SLC24A2: variants seen among roughly 807,000 people sequenced by gnomAD.
The protein encoded by SLC24A2 is solute carrier family 24 member 2.
SLC24A2 carries 36 observed loss-of-function variants against 62.0 expected under a neutral mutation model. The observed-to-expected ratio is 0.58, with a 90% CI of 0.44 to 0.77. The LOEUF (loss-of-function observed/expected upper bound fraction) is 0.77. Ranked by LOEUF, SLC24A2 falls within the 30% of genes least tolerant of loss-of-function variation. The pLI is 0.00. For missense variants in SLC24A2, 846 were observed against 817.9 expected, an observed-to-expected ratio of 1.03 and a Z score of -0.42; for synonymous variants, 358 against 294.0, an observed-to-expected ratio of 1.22 and a Z score of -2.23.
At chr9:19,554,619 G>A (rs1395118876) in intron 7 of SLC24A2, among the ~76,000 whole-genome samples, 1 of 152,224 alleles carries the variant, frequency 6.6e-6, no homozygotes, top group Non-Finnish European at 1.5e-5. Context: ...GTGTGGCAAT[G>A]TGATTAAGTT....
chr9:19,989,707 T>C, the SLC24A2 span, among the ~76,000 whole-genome samples: 1 of 152,224 alleles, frequency 6.6e-6, no homozygotes, highest in African/African-American at 2.4e-5. Flanking sequence ...CAAAGGAACC[T>C]AGACAACTAC....
chr9:19,886,465 C>A, the SLC24A2 span, among the ~76,000 whole-genome samples: 2 of 152,030 alleles, frequency 1.3e-5, no homozygotes, highest in South Asian at 4.2e-4. Context: ...AAGCTCAACA[C>A]CGCTGATCAT....
chr9:20,083,705 A>T, the SLC24A2 span, among the ~76,000 whole-genome samples: 2 of 152,254 alleles, frequency 1.3e-5, no homozygotes, highest in Non-Finnish European at 2.9e-5. Context: ...AGAGAAAAAA[A>T]TAAAACAACT....
rs1248588573 is a variant in SLC24A2 at position 19,515,221 on chromosome 9, C to T, written c.*932G>A. 6.6e-6 allele frequency: 1 copy of T among 152,136 alleles called. No individual in the cohort carries two copies. The highest frequency in any genetic ancestry group is 2.4e-5 in the African/African-American group (1 of 41,424). The allele number at this position is 152,136 out of a possible 1,614,324, so 9.4% of individuals were successfully genotyped here. ...ATTTGGTTTGTAGTCATATTTTCTA[C>T]TTGCATGCTGGGACAATATAAGAAC... On this transcript the variant is annotated 3_prime_UTR_variant, in exon 11 of 11. Transcript: ENST00000341998.
chr9:19,584,300 AAAAAC>A (rs1554682263), intron 5 of SLC24A2, among the ~76,000 whole-genome samples: 1 of 151,434 alleles, frequency 6.6e-6, no homozygotes, highest in Non-Finnish European at 1.5e-5. Context: ...AAAACAAACA[AAAAAC>A]AAAACAAAAC....
the SLC24A2 span, among the ~76,000 whole-genome samples, chr9:20,067,621 G>A: frequency 6.6e-6 from 1 of 152,080 alleles, no homozygotes; most frequent in Non-Finnish European, 1.5e-5. Flanking sequence ...CCACTTGTAA[G>A]TGAGAACATG....
the SLC24A2 span, among the ~76,000 whole-genome samples, chr9:19,845,246 A>G: frequency 3.3e-5 from 5 of 152,128 alleles, no homozygotes; most frequent in African/African-American, 7.2e-5. Context: ...GGATAGATGC[A>G]TTCCTAGGTA....
At chr9:20,287,940 T>A in the SLC24A2 span, among the ~76,000 whole-genome samples, 1 of 152,202 alleles carries the variant, frequency 6.6e-6, no homozygotes, top group Admixed American at 6.5e-5. Context: ...ATTACAAAGT[T>A]TTCTCAATTT....
At chr9:19,847,683 G>T in the SLC24A2 span, among the ~76,000 whole-genome samples, 2 of 152,108 alleles carry the variant, frequency 1.3e-5, no homozygotes, top group Non-Finnish European at 2.9e-5. Flanking sequence ...TTTGCTACCC[G>T]CACTGGAGGT....
intron 2 of SLC24A2, among the ~76,000 whole-genome samples, chr9:19,647,108 A>G (rs1818665018): frequency 6.8e-6 from 1 of 146,450 alleles, no homozygotes; most frequent in East Asian, 2.0e-4. Flanking sequence ...ACACACACAC[A>G]CAGAGTCTCC....
chr9:19,956,993 T>C, the SLC24A2 span, among the ~76,000 whole-genome samples: 9 of 152,340 alleles, frequency 5.9e-5, no homozygotes, highest in East Asian at 1.5e-3. Context: ...CTCCGGACTG[T>C]GAGAAATAAA....
At chr9:19,863,035 T>C in the SLC24A2 span, among the ~76,000 whole-genome samples, 1 of 151,852 alleles carries the variant, frequency 6.6e-6, no homozygotes, top group Non-Finnish European at 1.5e-5. Context: ...ACACACTGAC[T>C]GAAAATAAGG....
chr9:19,846,891 G>A, the SLC24A2 span, among the ~76,000 whole-genome samples: 1 of 152,056 alleles, frequency 6.6e-6, no homozygotes, highest in South Asian at 2.1e-4. Context: ...GCATGGTGGT[G>A]CATGCCTGTG....
At chr9:19,733,066 G>T (rs181199198) in intron 2 of SLC24A2, among the ~76,000 whole-genome samples, 2 of 143,542 alleles carry the variant, frequency 1.4e-5, no homozygotes, top group Non-Finnish European at 3.0e-5. Flanking sequence ...CATTTTAGAA[G>T]TCTTAAGATG....
the SLC24A2 span, among the ~76,000 whole-genome samples, chr9:19,975,727 G>T: frequency 6.6e-6 from 1 of 151,564 alleles, no homozygotes; most frequent in Non-Finnish European, 1.5e-5. Flanking sequence ...ACTCATTTGG[G>T]TTGGAGACTT....
At chr9:20,227,183 G>A in the SLC24A2 span, among the ~76,000 whole-genome samples, 2 of 152,098 alleles carry the variant, frequency 1.3e-5, no homozygotes, top group South Asian at 2.1e-4. Context: ...ATGACACACA[G>A]ACTCAATTGT....
the SLC24A2 span, among the ~76,000 whole-genome samples, chr9:20,053,421 T>G: frequency 1.3e-5 from 2 of 152,206 alleles, no homozygotes; most frequent in African/African-American, 4.8e-5. Flanking sequence ...TGCCTTTCTT[T>G]TCACTCTCTT....
At position 19,786,620 on chromosome 9, in the gene SLC24A2, G is replaced by T. The variant is rs772990128; in HGVS notation, c.247C>A (p.His83Asn). ...VSGPRVAQGY[H>N]QRTLLDLNDK... Reference sequence around the variant, plus strand: ...TTTAAATCTAAGAGAGTTCTCTGATGGTAACCCTGTGCTACCCTAGGGCCA... The same window carrying T: ...TTTAAATCTAAGAGAGTTCTCTGATTGTAACCCTGTGCTACCCTAGGGCCA... Residue 83 changes from histidine to asparagine, a missense_variant, in exon 2 of 11, where the codon CAT becomes AAT. Coordinates refer to ENST00000341998, the MANE Select transcript of SLC24A2 (RefSeq NM_020344.4). The surrounding 1 kb of genome is among the most constrained non-coding windows in gnomAD (Gnocchi z 5.0). 3 of 1,614,056 alleles carry T rather than the reference G, an allele frequency of 1.9e-6. No homozygotes were observed. Among genetic ancestry groups the T allele is most frequent in the Middle Eastern group, 1.6e-4 (1 of 6,062 alleles).
At chr9:20,168,902 C>G in the SLC24A2 span, among the ~76,000 whole-genome samples, 1 of 151,912 alleles carries the variant, frequency 6.6e-6, no homozygotes, top group African/African-American at 2.4e-5. Flanking sequence ...ATTTGTTCGC[C>G]AATGTTCATA....
Sources: gnomAD v4.1 joint callset for allele counts (sites outside exome capture counted in the v4.1 genomes callset) on GRCh38, gnomAD v4.1.1 for gene constraint, Gnocchi (gnomAD v3.1) non-coding constraint, MANE v1.5 for transcripts, NCBI Gene and HGNC (gene_info 2026-07-23, HGNC 2026-07-21) for gene names.